Variants in KIAA0513 observed in about 807,000 individuals in gnomAD.
KIAA0513 encodes the protein uncharacterized protein KIAA0513.
A neutral mutation model predicts 56.5 loss-of-function variants in KIAA0513; 39 were observed. The ratio of observed to expected loss-of-function variants is 0.69; its 90% CI spans 0.53 to 0.90. KIAA0513 has a LOEUF of 0.90. Ranked by LOEUF, KIAA0513 falls within the 40% of genes least tolerant of loss-of-function variation. The probability of loss-of-function intolerance (pLI) is 0.00; values close to 1 mark genes in which losing one functional copy is unlikely to be tolerated. For missense variants in KIAA0513, 591 were observed against 535.2 expected (o/e 1.10, Z -1.03); for synonymous variants, 268 against 215.6 (o/e 1.24, Z -2.13).
At chr16:85,046,311 G>A (rs534245571) in intron 1 of KIAA0513, among the ~76,000 whole-genome samples, 1 of 152,182 alleles carries the variant, frequency 6.6e-6, no homozygotes, top group Non-Finnish European at 1.5e-5. Flanking sequence ...AACCTGGAGT[G>A]CTTTCTACAT....
At chr16:85,073,665 G>C (rs1401853603) in intron 4 of KIAA0513, among the ~76,000 whole-genome samples, 1 of 152,230 alleles carries the variant, frequency 6.6e-6, no homozygotes, top group East Asian at 1.9e-4. Flanking sequence ...ATGCCTCTTG[G>C]CCTTGGGGAG....
At chr16:85,064,383 T>C (rs1789916380) in intron 1 of KIAA0513, among the ~76,000 whole-genome samples, 1 of 152,208 alleles carries the variant, frequency 6.6e-6, no homozygotes, top group Non-Finnish European at 1.5e-5. Flanking sequence ...CAATGAGCAT[T>C]TTTCTCTATG....
chr16:85,053,443 C>A (rs1374456992), intron 1 of KIAA0513, among the ~76,000 whole-genome samples: 2 of 152,166 alleles, frequency 1.3e-5, no homozygotes, highest in Non-Finnish European at 2.9e-5. Flanking sequence ...TCTCTATCAA[C>A]ATGTTGTTTG....
At chr16:85,037,370 G>A (rs1002295282) in intron 1 of KIAA0513, among the ~76,000 whole-genome samples, 8 of 152,092 alleles carry the variant, frequency 5.3e-5, no homozygotes, top group African/African-American at 1.9e-4. Context: ...AGGGGATATC[G>A]GGTGAACCTA....
chr16:85,064,206 G>A lies in KIAA0513; in HGVS notation c.-172-2694G>A, dbSNP rs1290968481. 4.0e-5 allele frequency among the ~76,000 whole-genome samples: 6 copies of A among 151,598 alleles called. No homozygotes were observed. The East Asian group carries it at 9.7e-4, about 25-fold the overall frequency. On this transcript the variant is annotated intron_variant, in intron 1 of 12. Coordinates refer to ENST00000683363, the MANE Select transcript of KIAA0513 (RefSeq NM_001388359.1). ...TTTTGAGTAGAGACAGGGTTTCACC[G>A]TGTTGGCCAGGCTGGTGTCGAACTC...
intron 1 of KIAA0513, among the ~76,000 whole-genome samples, chr16:85,051,812 C>T (rs1278715266): frequency 2.0e-5 from 3 of 151,520 alleles, no homozygotes; most frequent in East Asian, 3.9e-4. Context: ...CTCGCCTTTT[C>T]CCTCTCATGT....
intron 1 of KIAA0513, among the ~76,000 whole-genome samples, chr16:85,047,601 C>T (rs1177339428): frequency 1.3e-5 from 2 of 152,220 alleles, no homozygotes; most frequent in African/African-American, 4.8e-5. Context: ...GCTGACCCCT[C>T]TGCTGGCACT....
intron 1 of KIAA0513, among the ~76,000 whole-genome samples, chr16:85,035,089 C>T (rs796364746): frequency 2.0e-4 from 30 of 152,292 alleles, no homozygotes; most frequent in African/African-American, 6.7e-4. Flanking sequence ...CTCTGATTTC[C>T]ACCTGGCTGT....
At chr16:85,056,633 C>T (rs2073333853) in intron 1 of KIAA0513, among the ~76,000 whole-genome samples, 1 of 152,152 alleles carries the variant, frequency 6.6e-6, no homozygotes, top group African/African-American at 2.4e-5. Context: ...GGGCCGCGCT[C>T]GCCGAGAGCC....
At chr16:85,028,626 C>T (rs1254441919) in intron 1 of KIAA0513, among the ~76,000 whole-genome samples, 2 of 152,046 alleles carry the variant, frequency 1.3e-5, no homozygotes, top group Non-Finnish European at 2.9e-5. Context: ...CCCCCACCCC[C>T]GCCCTTGTCC....
In KIAA0513 at chr16:85,082,863, C is replaced by T. The variant is rs544948419; in HGVS notation, c.1010+270C>T. Among the ~76,000 whole-genome samples, 12 of 152,378 alleles carry T rather than the reference C, an allele frequency of 7.9e-5. No homozygotes were observed. In the Middle Eastern group the frequency reaches 0.01, roughly 130 times the overall value. On this transcript the variant is annotated intron_variant, in intron 10 of 12. Coordinates refer to ENST00000683363, the MANE Select transcript of KIAA0513 (RefSeq NM_001388359.1). ...AGAAAGCAAATGTGACACCTTGAGA[C>T]GCCCTGGCGACAGCATGAGCTCGAG...
intron 1 of KIAA0513, among the ~76,000 whole-genome samples, chr16:85,060,289 G>C (rs1343989110): frequency 6.6e-6 from 1 of 152,180 alleles, no homozygotes; most frequent in East Asian, 1.9e-4. Context: ...ATGGAGCTGA[G>C]ACTCAAGGAC....
At chr16:85,043,961 C>A (rs774206651) in intron 1 of KIAA0513, among the ~76,000 whole-genome samples, 11 of 152,072 alleles carry the variant, frequency 7.2e-5, no homozygotes, top group Non-Finnish European at 1.2e-4. Context: ...ACCCGGGAAG[C>A]GGAGGTTGTG....
At chr16:85,059,330 G>A (rs933637826) in intron 1 of KIAA0513, among the ~76,000 whole-genome samples, 1 of 152,174 alleles carries the variant, frequency 6.6e-6, no homozygotes, top group African/African-American at 2.4e-5. Flanking sequence ...TAGGTGTTCT[G>A]GGGGTGCCCT....
At chr16:85,035,237 G>C (rs1258943759) in intron 1 of KIAA0513, among the ~76,000 whole-genome samples, 2 of 152,180 alleles carry the variant, frequency 1.3e-5, no homozygotes, top group Admixed American at 6.5e-5. Context: ...CTCTGAGCAG[G>C]TCAGAAGTGG....
At chr16:85,057,364 C>T (rs1334195550) in intron 1 of KIAA0513, among the ~76,000 whole-genome samples, 1 of 152,204 alleles carries the variant, frequency 6.6e-6, no homozygotes, top group Non-Finnish European at 1.5e-5. Flanking sequence ...AACTGTTTCT[C>T]CCCCATCACC....
In KIAA0513 at chr16:85,069,089, GAC is replaced by G. The variant is rs1208167096; in HGVS notation, c.329+1693_329+1694del. Among the ~76,000 whole-genome samples the G allele has an allele frequency of 2.0e-5, 3 of 152,080 alleles. No individual in the cohort carries two copies. In the East Asian group the frequency reaches 5.8e-4, roughly 29 times the overall value. The stretch of plus-strand genomic sequence containing the variant: ...TCTGTTGCCCAGGCTGGAGTGCAGC[GAC>G]ACAATCACAGCTCACTGCAGCCTCC... On this transcript the variant is annotated intron_variant, in intron 2 of 12. Transcript: ENST00000683363.
chr16:85,092,391 TA>T lies in KIAA0513; in HGVS notation c.*4071del, dbSNP rs965552686. On this transcript the variant is annotated 3_prime_UTR_variant, in exon 13 of 13. Coordinates refer to ENST00000683363, the MANE Select transcript of KIAA0513 (RefSeq NM_001388359.1). ...GTGTGGAGCTTGAGAAAGAGAACTT[TA>T]AAAATTAGAGGGTCCCTTTCTGCAG... 1.4e-4 allele frequency: 22 copies of T among 152,152 alleles called. No individual in the cohort carries two copies. The highest frequency in any genetic ancestry group is 1.2e-3 in the Admixed American group (19 of 15,280). The allele number at this position is 152,152 out of a possible 1,614,324, so 9.4% of individuals were successfully genotyped here.
At chr16:85,067,514 A>G in intron 2 of KIAA0513, 114 bp downstream of exon 2, 1 of 825,132 alleles carries the variant, frequency 1.2e-6, no homozygotes, top group Non-Finnish European at 1.9e-6. Context: ...CAGAGCTTCC[A>G]TTTCCCCATC....
Sources: gnomAD v4.1 joint callset for allele counts (sites outside exome capture counted in the v4.1 genomes callset) on GRCh38, gnomAD v4.1.1 for gene constraint, MANE v1.5 for transcripts, NCBI Gene and HGNC (gene_info 2026-07-23, HGNC 2026-07-21) for gene names.